The following DNAI3 variants were observed in gnomAD, a reference collection of about 807,000 sequenced individuals.
DNAI3 encodes WD repeat domain 63.
In DNAI3, 83 loss-of-function variants were observed where a neutral mutation model predicts 115.5. That is an observed-to-expected ratio of 0.72 (90% CI 0.60 to 0.86). DNAI3 has a LOEUF of 0.86. Ranked by LOEUF, DNAI3 falls within the 40% of genes least tolerant of loss-of-function variation. DNAI3 has a pLI of 0.00. For missense variants in DNAI3, 1,004 were observed against 1,075.8 expected (o/e 0.93, Z 0.93); for synonymous variants, 320 against 347.0 (o/e 0.92, Z 0.86).
Position 85,121,846 on chromosome 1 carries a change from G to T in DNAI3, c.1981+32G>T, listed in dbSNP as rs748534837. Reference sequence around the variant, plus strand: ...TTTGTGATTGCCCTGTTATTAATAAGATGTTCCTTTTAATTTAAACTACCC... The same window carrying T: ...TTTGTGATTGCCCTGTTATTAATAATATGTTCCTTTTAATTTAAACTACCC... On this transcript the variant is annotated intron_variant, in intron 18 of 22. Transcript: ENST00000294664. The T allele has an allele frequency of 2.5e-6, 4 of 1,609,354 alleles. No individual in the cohort carries two copies. In the Admixed American group the frequency reaches 5.0e-5, roughly 20 times the overall value.
At chr1:85,110,180 G>C (rs776189465) in intron 16 of DNAI3, 45 bp downstream of exon 16, 2 of 1,535,024 alleles carry the variant, frequency 1.3e-6, no homozygotes, top group Non-Finnish European at 8.9e-7. Flanking sequence ...GGCCGGGCGC[G>C]GTGGCTCACG....
intron 14 of DNAI3, 30 bp from the exon 15 acceptor site, chr1:85,108,003 T>A (rs1416764926): frequency 7.0e-7 from 1 of 1,430,622 alleles, no homozygotes. Flanking sequence ...TGTTTGTACT[T>A]AATAAAAAAT....
At chr1:85,088,898 A>G (rs950687112) in intron 7 of DNAI3, among the ~76,000 whole-genome samples, 1 of 152,156 alleles carries the variant, frequency 6.6e-6, no homozygotes, top group East Asian at 1.9e-4. Context: ...TGAGAATTGA[A>G]CCCAAGTCTC....
chr1:85,106,015 C>A (rs774147956), intron 14 of DNAI3, among the ~76,000 whole-genome samples: 16 of 152,142 alleles, frequency 1.1e-4, no homozygotes, highest in Non-Finnish European at 2.1e-4. Context: ...TGGCACATGC[C>A]TGTAGTCCCA....
chr1:85,104,163 C>T (rs1229474227), intron 13 of DNAI3, among the ~76,000 whole-genome samples: 2 of 149,744 alleles, frequency 1.3e-5, no homozygotes, highest in East Asian at 3.9e-4. Context: ...CTCTGTCGCC[C>T]AGGCTGGAGT....
At chr1:85,126,851 C>T (rs1050535279) in intron 20 of DNAI3, 136 bp downstream of exon 20, 1 of 802,306 alleles carries the variant, frequency 1.2e-6, no homozygotes, top group Non-Finnish European at 2.0e-6. Flanking sequence ...TATCCCTTCC[C>T]TTCTCTTCCT....
At chr1:85,117,702 C>T (rs750494994) in intron 16 of DNAI3, 27 bp from the exon 17 acceptor site, 32 of 1,605,762 alleles carry the variant, frequency 2.0e-5, no homozygotes, top group Non-Finnish European at 2.6e-5. Context: ...TAAATATGTA[C>T]TTCTTCTACC....
chr1:85,130,305 A>C, intron 22 of DNAI3, 193 bp downstream of exon 22: 1 of 741,094 alleles, frequency 1.3e-6, no homozygotes. Flanking sequence ...GATTCTGTCC[A>C]ATTTAAGTTT....
At chr1:85,095,424 T>C (rs958889097) in intron 10 of DNAI3, among the ~76,000 whole-genome samples, 1 of 152,180 alleles carries the variant, frequency 6.6e-6, no homozygotes, top group African/African-American at 2.4e-5. Context: ...AGAGATCAAA[T>C]TGAAAGATCT....
At position 85,071,809 on chromosome 1, in the gene DNAI3, C is replaced by G. The variant is rs1431815747; in HGVS notation, c.-14-119C>G. On this transcript the variant is annotated intron_variant, in intron 1 of 22. Coordinates refer to ENST00000294664, the MANE Select transcript of DNAI3 (RefSeq NM_145172.5). Reference sequence around the variant, plus strand: ...CTATGAAGATACAGGTTGATTTAGCCCAGGGTAAATCTTAGAAAACATATT... The same window carrying G: ...CTATGAAGATACAGGTTGATTTAGCGCAGGGTAAATCTTAGAAAACATATT... The G allele has an allele frequency of 3.1e-6, 3 of 982,982 alleles. 1 individual carries two copies. In the African/African-American group the frequency reaches 5.0e-5, roughly 17 times the overall value. The allele number at this position is 982,982 out of a possible 1,614,324, so 60.9% of individuals were successfully genotyped here.
chr1:85,130,591 G>T (rs1391120870), intron 22 of DNAI3, among the ~76,000 whole-genome samples: 1 of 151,972 alleles, frequency 6.6e-6, no homozygotes, highest in Non-Finnish European at 1.5e-5. Context: ...AAGGCTGTCA[G>T]TTAAAGAAAG....
Position 85,095,979 on chromosome 1 carries a change from A to C in DNAI3, c.1222A>C (p.Ser408Arg), listed in dbSNP as rs1304446295. Residue 408 changes from serine (S) to arginine (R), a missense_variant, in exon 11 of 23, where the codon AGT becomes CGT. Transcript: ENST00000294664. ...DDIFCFKFCP[S>R]DPNIIAGGCI... ...CATCTTCTGCTTCAAGTTCTGTCCG[A>C]GTGATCCTAATATCATTGCTGGAGG... The C allele has an allele frequency of 6.2e-7, 1 of 1,613,936 alleles. No individual in the cohort carries two copies. Among genetic ancestry groups the C allele is most frequent in the Admixed American group, 1.7e-5 (1 of 60,004 alleles).
intron 22 of DNAI3, among the ~76,000 whole-genome samples, chr1:85,130,763 A>G (rs1656298503): frequency 6.6e-6 from 1 of 152,172 alleles, no homozygotes; most frequent in Non-Finnish European, 1.5e-5. Flanking sequence ...ATTTTACTGT[A>G]TATGATATGC....
Position 85,117,785 on chromosome 1 carries a change from A to C in DNAI3, c.1843A>C (p.Asn615His), listed in dbSNP as rs1162320335. ...EKAEEMNPYH[N>H]LESGMANLLK... The stretch of plus-strand genomic sequence containing the variant: ...GGCAGAAGAAATGAACCCGTATCAT[A>C]ATCTGGAAAGTGGGATGGCCAATCT... Residue 615 changes from asparagine (N) to histidine (H), a missense_variant, in exon 17 of 23, where the codon AAT (asparagine) becomes CAT (histidine). Physicochemically the swap from Asn to His is moderately conservative, Grantham distance 68. Around this residue, in one of 3 missense-constraint regions of DNAI3, gnomAD observed 429 missense variants for 454.3 expected, o/e 0.94. Transcript: ENST00000294664. 1.2e-6 allele frequency: 2 copies of C among 1,613,878 alleles called. No individual in the cohort carries two copies. The highest frequency in any genetic ancestry group is 1.7e-6 in the Non-Finnish European group (2 of 1,179,866).
intron 8 of DNAI3, 67 bp downstream of exon 8, chr1:85,090,299 G>T (rs1571170885): frequency 5.6e-6 from 5 of 888,860 alleles, no homozygotes; most frequent in Non-Finnish European, 8.1e-6. Context: ...AGAATAACAG[G>T]TCTAAATAAA....
At chr1:85,086,807 C>A (rs918847157) in intron 7 of DNAI3, among the ~76,000 whole-genome samples, 1 of 152,030 alleles carries the variant, frequency 6.6e-6, no homozygotes, top group Admixed American at 6.6e-5. Flanking sequence ...TTCTCTCCTG[C>A]ATTCAGTTCT....
intron 18 of DNAI3, among the ~76,000 whole-genome samples, chr1:85,123,043 G>T (rs964926617): frequency 2.0e-5 from 3 of 152,178 alleles, no homozygotes; most frequent in African/African-American, 7.2e-5. Context: ...GGCAACAAAT[G>T]GAAGGACTGT....
intron 8 of DNAI3, among the ~76,000 whole-genome samples, chr1:85,091,739 GA>G (rs1002459207): frequency 6.6e-6 from 1 of 152,170 alleles, no homozygotes; most frequent in African/African-American, 2.4e-5. Context: ...AAACAACTAA[GA>G]AACCTTCCTT....
At chr1:85,067,461 G>A (rs1198626808) in intron 1 of DNAI3, among the ~76,000 whole-genome samples, 6 of 152,166 alleles carry the variant, frequency 3.9e-5, no homozygotes, top group Non-Finnish European at 8.8e-5. Context: ...GTATTTAATA[G>A]CAGCGTTTGA....
Sources: gnomAD v4.1 joint callset for allele counts (sites outside exome capture counted in the v4.1 genomes callset) on GRCh38, gnomAD v4.1.1 for gene constraint, gnomAD v4.1.1 regional missense constraint, MANE v1.5 for transcripts, NCBI Gene and HGNC (gene_info 2026-07-23, HGNC 2026-07-21) for gene names.